Variants in LRRN3 observed in about 807,000 individuals in gnomAD.
The protein encoded by LRRN3 is leucine-rich repeat neuronal protein 3.
In LRRN3, 15 loss-of-function variants were observed where a neutral mutation model predicts 40.1. That is an observed-to-expected ratio of 0.37 (90% confidence interval 0.25 to 0.58). LRRN3 has a LOEUF of 0.58. Ranked by LOEUF, LRRN3 falls within the 20% of genes least tolerant of loss-of-function variation. The pLI, the probability that LRRN3 is intolerant of heterozygous loss-of-function variation, is 0.72. For missense variants in LRRN3, 746 were observed against 837.7 expected (o/e 0.89, Z 1.35); for synonymous variants, 308 against 297.2 (o/e 1.04, Z -0.37).
intron 2 of LRRN3, among the ~76,000 whole-genome samples, chr7:111,112,017 G>A (rs1448115904): frequency 2.2e-5 from 3 of 136,452 alleles, no homozygotes; most frequent in East Asian, 2.2e-4. Context: ...GTGCGATCTC[G>A]GCTCACTGCA....
Position 111,124,749 on chromosome 7 carries a change from C to G in LRRN3, c.1977C>G (p.His659Gln), listed in dbSNP as rs775332677. ...CAGAAATGAACTGTGATGGTGGACA[C>G]AGCTATGTGAGGAATTACTTACAGA... Reference protein sequence around the residue: ...LSPEMNCDGGHSYVRNYLQKP... With the variant: ...LSPEMNCDGGQSYVRNYLQKP... The change falls in exon 3 of 3, where the codon CAC (histidine) becomes CAG (glutamine). Residue 659 changes from histidine (H) to glutamine (Q), a missense_variant. His to Gln is a conservative substitution (Grantham distance 24). Transcript: ENST00000308478. 6.2e-7 allele frequency: 1 copy of G among 1,613,814 alleles called. No individual in the cohort carries two copies. Among genetic ancestry groups the G allele is most frequent in the Admixed American group, 1.7e-5 (1 of 59,978 alleles).
intron 2 of LRRN3, among the ~76,000 whole-genome samples, chr7:111,120,783 G>A (rs1800501776): frequency 6.6e-6 from 1 of 152,078 alleles, no homozygotes; most frequent in African/African-American, 2.4e-5. Context: ...ATGGGAAACA[G>A]CTAATACCAC....
intron 2 of LRRN3, among the ~76,000 whole-genome samples, chr7:111,113,022 A>C (rs1209254038): frequency 6.6e-6 from 1 of 152,216 alleles, no homozygotes; most frequent in East Asian, 1.9e-4. Context: ...TTTATTTAAT[A>C]GCAATGAGAA....
intron 2 of LRRN3, among the ~76,000 whole-genome samples, chr7:111,112,330 G>T (rs998249074): frequency 6.6e-5 from 10 of 152,106 alleles, no homozygotes; most frequent in African/African-American, 2.2e-4. Context: ...AAATGACAAA[G>T]CTTCACTGAC....
chr7:111,121,051 A>T (rs1392240214), intron 2 of LRRN3, among the ~76,000 whole-genome samples: 3 of 152,186 alleles, frequency 2.0e-5, no homozygotes, highest in Non-Finnish European at 4.4e-5. Context: ...AGGTATAAAC[A>T]AGCAAAGATT....
At chr7:111,100,955 C>T (rs937924811) in intron 2 of LRRN3, among the ~76,000 whole-genome samples, 6 of 151,400 alleles carry the variant, frequency 4.0e-5, no homozygotes, top group African/African-American at 1.5e-4. Flanking sequence ...AAATATCTTT[C>T]TATATTTTGT....
intron 2 of LRRN3, among the ~76,000 whole-genome samples, chr7:111,103,986 A>C (rs570484664): frequency 6.6e-6 from 1 of 151,770 alleles, no homozygotes; most frequent in Admixed American, 6.6e-5. Flanking sequence ...TTAGGGTTAA[A>C]TGTGGAACAA....
chr7:111,092,826 G>T (rs141626464), intron 1 of LRRN3, among the ~76,000 whole-genome samples: 2 of 152,298 alleles, frequency 1.3e-5, no homozygotes, highest in African/African-American at 4.8e-5. Flanking sequence ...GACAGTAAAA[G>T]AAACCTAGCA....
intron 2 of LRRN3, among the ~76,000 whole-genome samples, chr7:111,102,760 T>G (rs1239436420): frequency 6.6e-6 from 1 of 151,546 alleles, no homozygotes; most frequent in Non-Finnish European, 1.5e-5. Context: ...CTCTGGGACA[T>G]TCCATCTCAA....
chr7:111,124,001 T>C lies in LRRN3; in HGVS notation c.1229T>C (p.Val410Ala), dbSNP rs777402335. 1.2e-6 allele frequency: 2 copies of C among 1,614,086 alleles called. No individual in the cohort carries two copies. Among genetic ancestry groups the C allele is most frequent in the Non-Finnish European group, 1.7e-6 (2 of 1,179,998 alleles). The change falls in exon 3 of 3, where the codon GTG becomes GCG. Residue 410 changes from valine to alanine, a missense_variant. Transcript: ENST00000308478. ...PEFQGQNVRQVHFRDMMEICL... is the reference protein window; with the variant it reads ...PEFQGQNVRQAHFRDMMEICL... ...TTCCAAGGTCAGAATGTTCGGCAAG[T>C]GCATTTCAGGGACATGATGGAAATT...
chr7:111,110,198 G>T (rs1402206539), intron 2 of LRRN3, among the ~76,000 whole-genome samples: 3 of 152,108 alleles, frequency 2.0e-5, no homozygotes, highest in Non-Finnish European at 4.4e-5. Context: ...AAGCATCAAA[G>T]ATCCTATCTG....
intron 2 of LRRN3, among the ~76,000 whole-genome samples, chr7:111,115,554 T>C (rs2129585337): frequency 6.6e-6 from 1 of 152,284 alleles, no homozygotes; most frequent in African/African-American, 2.4e-5. Context: ...GAGATTTCTG[T>C]ACTGTAAACT....
At chr7:111,095,317 C>T (rs1218020594) in intron 1 of LRRN3, among the ~76,000 whole-genome samples, 1 of 151,894 alleles carries the variant, frequency 6.6e-6, no homozygotes, top group South Asian at 2.1e-4. Flanking sequence ...ATTGGAGAGG[C>T]CTAGGTTAGA....
chr7:111,103,057 T>A (rs1798151911), intron 2 of LRRN3, among the ~76,000 whole-genome samples: 2 of 151,512 alleles, frequency 1.3e-5, no homozygotes, highest in Admixed American at 6.6e-5. Flanking sequence ...GACTTCACAG[T>A]TTTCATTTCT....
intron 2 of LRRN3, among the ~76,000 whole-genome samples, chr7:111,117,722 G>A (rs1304531954): frequency 6.6e-6 from 1 of 152,034 alleles, no homozygotes; most frequent in African/African-American, 2.4e-5. Flanking sequence ...GTTAGATAGT[G>A]GGAGAATAGA....
chr7:111,120,744 G>A (rs1315851947), intron 2 of LRRN3, among the ~76,000 whole-genome samples: 1 of 152,058 alleles, frequency 6.6e-6, no homozygotes, highest in African/African-American at 2.4e-5. Flanking sequence ...TTTATGCAAA[G>A]GAGACTATGG....
chr7:111,124,775 A>T lies in LRRN3; in HGVS notation c.2003A>T (p.Lys668Ile), dbSNP rs1395212458. The T allele has an allele frequency of 1.2e-6, 2 of 1,613,870 alleles. No individual in the cohort carries two copies. The highest frequency in any genetic ancestry group is 1.7e-6 in the Non-Finnish European group (2 of 1,179,966). Residue 668 changes from lysine to isoleucine, a missense_variant, in exon 3 of 3, where the codon AAA (lysine) becomes ATA (isoleucine). Coordinates refer to ENST00000308478, the MANE Select transcript of LRRN3 (RefSeq NM_001099658.2). ...GHSYVRNYLQ[K>I]PTFALGELYP... is the part of the protein sequence containing the mutation. ...AGCTATGTGAGGAATTACTTACAGA[A>T]ACCAACCTTTGCATTAGGTGAGCTT...
chr7:111,107,453 T>G (rs577860794), intron 2 of LRRN3, among the ~76,000 whole-genome samples: 1 of 152,176 alleles, frequency 6.6e-6, no homozygotes, highest in South Asian at 2.1e-4. Context: ...AAATTCTGGA[T>G]AGTTCTTTGT....
chr7:111,109,209 A>G (rs1798901719), intron 2 of LRRN3, among the ~76,000 whole-genome samples: 1 of 152,102 alleles, frequency 6.6e-6, no homozygotes, highest in Non-Finnish European at 1.5e-5. Flanking sequence ...ACAATTTAAC[A>G]TGTTCATTGC....
Sources: gnomAD v4.1 joint callset for allele counts (sites outside exome capture counted in the v4.1 genomes callset) on GRCh38, gnomAD v4.1.1 for gene constraint, MANE v1.5 for transcripts, NCBI Gene and HGNC (gene_info 2026-07-23, HGNC 2026-07-21) for gene names.